XKR6: variants seen among roughly 807,000 people sequenced by gnomAD.
The protein encoded by XKR6 is XK related 6.
A neutral mutation model predicts 56.7 loss-of-function variants in XKR6; 22 were observed. The observed-to-expected ratio is 0.39, with a 90% CI of 0.28 to 0.55. The LOEUF is 0.55. XKR6 is among the 20% of genes least tolerant of loss of function. XKR6 has a pLI of 0.66. For missense variants in XKR6, 852 were observed against 889.0 expected (o/e 0.96, Z 0.53); for synonymous variants, 524 against 387.8 (o/e 1.35, Z -4.13).
intron 1 of XKR6, among the ~76,000 whole-genome samples, chr8:11,181,659 G>A (rs1802988029): frequency 6.6e-6 from 1 of 152,184 alleles, no homozygotes; most frequent in African/African-American, 2.4e-5. Context: ...TGGTGAGGAA[G>A]AACCTCATCA....
chr8:11,199,526 G>A (rs1042724106), intron 1 of XKR6, among the ~76,000 whole-genome samples: 2 of 152,200 alleles, frequency 1.3e-5, no homozygotes, highest in Non-Finnish European at 2.9e-5. Context: ...TTGTCCCTGT[G>A]TAATTTATCT....
At position 10,898,986 on chromosome 8, in the gene XKR6, G is replaced by A. The variant is rs571723684; in HGVS notation, c.962-70C>T. On this transcript the variant is annotated intron_variant, in intron 2 of 2. Coordinates refer to ENST00000416569, the MANE Select transcript of XKR6 (RefSeq NM_173683.4). The surrounding 1 kb of genome is among the most constrained non-coding windows in gnomAD (Gnocchi z 6.6). ...AACCGCAGGGCACAGTGAAGCTGCCGGCTGAGGAGACGCCCACATACACCA... is the reference window on the plus strand; with the variant it reads ...AACCGCAGGGCACAGTGAAGCTGCCAGCTGAGGAGACGCCCACATACACCA... 8.5e-5 allele frequency: 129 copies of A among 1,515,220 alleles called. No individual in the cohort carries two copies. The highest frequency in any genetic ancestry group is 1.1e-4 in the Non-Finnish European group (120 of 1,140,446). 93.9% of individuals were successfully genotyped at this position (1,515,220 alleles called of 1,614,324 possible).
intron 1 of XKR6, among the ~76,000 whole-genome samples, chr8:11,179,049 G>C (rs1368729974): frequency 1.4e-5 from 2 of 142,722 alleles, no homozygotes; most frequent in Non-Finnish European, 3.0e-5. Context: ...TGGAGAGCTA[G>C]GGTCTCCCAT....
chr8:10,917,056 T>C (rs1375356411), intron 2 of XKR6, among the ~76,000 whole-genome samples: 4 of 148,294 alleles, frequency 2.7e-5, no homozygotes, highest in East Asian at 1.9e-4. Flanking sequence ...CCTGCTTCCC[T>C]GTCTTAGCAA....
At position 11,200,473 on chromosome 8, in the gene XKR6, G is replaced by A. The variant is rs898020221; in HGVS notation, c.764+103C>T. On this transcript the variant is annotated intron_variant, in intron 1 of 2. Coordinates refer to ENST00000416569, the MANE Select transcript of XKR6 (RefSeq NM_173683.4). This position sits in a 1 kb window ranked among gnomAD's most constrained non-coding sequence, Gnocchi z 6.4. ...GGCGCGCGGCCGGTCCCTCCTTCGAGCCCCCCGCGCTGGGCCCTTTCGAGG... is the reference window on the plus strand; with the variant it reads ...GGCGCGCGGCCGGTCCCTCCTTCGAACCCCCCGCGCTGGGCCCTTTCGAGG... 6.9e-6 allele frequency: 9 copies of A among 1,303,742 alleles called. No individual in the cohort carries two copies. Among genetic ancestry groups the A allele is most frequent in the Middle Eastern group, 2.8e-4 (1 of 3,586 alleles). The allele number at this position is 1,303,742 out of a possible 1,614,324, so 80.8% of individuals were successfully genotyped here. A position where few individuals can be genotyped will look rare whatever the true frequency, so the allele number is the denominator to read the frequency against.
At chr8:11,177,448 G>C (rs142202331) in intron 1 of XKR6, among the ~76,000 whole-genome samples, 1 of 152,268 alleles carries the variant, frequency 6.6e-6, no homozygotes. Context: ...TGAGTGTTAT[G>C]GGCTCAATTC....
At chr8:11,010,764 GC>G (rs1798481985) in intron 1 of XKR6, among the ~76,000 whole-genome samples, 1 of 150,798 alleles carries the variant, frequency 6.6e-6, no homozygotes, top group African/African-American at 2.4e-5. Flanking sequence ...TAAAACAGTG[GC>G]CCCTCCCCAC....
intron 1 of XKR6, among the ~76,000 whole-genome samples, chr8:11,074,568 G>A (rs557181434): frequency 6.6e-6 from 1 of 152,352 alleles, no homozygotes; most frequent in African/African-American, 2.4e-5. Flanking sequence ...TCAAGCATTT[G>A]TCTAGTAGGG....
intron 1 of XKR6, among the ~76,000 whole-genome samples, chr8:11,093,301 C>T (rs1798144575): frequency 6.6e-6 from 1 of 152,224 alleles, no homozygotes; most frequent in Non-Finnish European, 1.5e-5. Flanking sequence ...GTGATCCGCC[C>T]ACCTCGGCCT....
At chr8:11,008,787 C>T (rs759435841) in intron 1 of XKR6, among the ~76,000 whole-genome samples, 1 of 152,058 alleles carries the variant, frequency 6.6e-6, no homozygotes, top group Non-Finnish European at 1.5e-5. Context: ...CTGATGGAGC[C>T]ACGGTCAAGC....
rs1554461878 is a variant in XKR6 at position 11,114,773 on chromosome 8, G to GTATATA, written c.764+85802_764+85803insTATATA. Among the ~76,000 whole-genome samples, 52 of 146,618 alleles carry GTATATA rather than the reference G, an allele frequency of 3.5e-4. 1 individual carries two copies. The highest frequency in any genetic ancestry group is 6.1e-4 in the Non-Finnish European group (40 of 66,060). On this transcript the variant is annotated intron_variant, in intron 1 of 2. Transcript: ENST00000416569. The stretch of plus-strand genomic sequence containing the variant: ...TGTGTGTGTGTGTGTGTGTGTGTGT[G>GTATATA]TATGTGCCAGGGCAAGAAAGGTCAG...
chr8:11,052,719 AC>A (rs1204309653), intron 1 of XKR6, among the ~76,000 whole-genome samples: 1 of 94,296 alleles, frequency 1.1e-5, no homozygotes, highest in South Asian at 4.5e-4. Context: ...CCCCACCCCG[AC>A]CCCTGTTTCC....
chr8:11,162,075 A>G (rs1020117830), intron 1 of XKR6, among the ~76,000 whole-genome samples: 3 of 152,234 alleles, frequency 2.0e-5, no homozygotes, highest in African/African-American at 7.2e-5. Context: ...AAACTGACCC[A>G]GAGAAATAAA....
Position 11,199,889 on chromosome 8 carries a change from G to C in XKR6, c.764+687C>G, listed in dbSNP as rs769658037. 1.3e-4 allele frequency among the ~76,000 whole-genome samples: 20 copies of C among 151,912 alleles called. 1 individual carries two copies. Among genetic ancestry groups the C allele is most frequent in the South Asian group, 6.2e-4 (3 of 4,820 alleles). Reference sequence around the variant, plus strand: ...TTTAACTGATTTTCTGGAGGTGAGAGTTAACACCAAACGCTCGCGCCCATC... The same window carrying C: ...TTTAACTGATTTTCTGGAGGTGAGACTTAACACCAAACGCTCGCGCCCATC... On this transcript the variant is annotated intron_variant, in intron 1 of 2. Transcript: ENST00000416569.
intron 1 of XKR6, among the ~76,000 whole-genome samples, chr8:11,027,783 C>T (rs557110806): frequency 5.9e-5 from 9 of 152,232 alleles, no homozygotes; most frequent in East Asian, 5.8e-4. Flanking sequence ...CAAGTGAGGA[C>T]GGTCATCATT....
At chr8:11,158,412 T>C (rs1368369523) in intron 1 of XKR6, among the ~76,000 whole-genome samples, 1 of 152,228 alleles carries the variant, frequency 6.6e-6, no homozygotes, top group African/African-American at 2.4e-5. Context: ...TTGTTCAGGA[T>C]GGCTACAGCT....
At chr8:11,037,237 T>A (rs1156284758) in intron 1 of XKR6, among the ~76,000 whole-genome samples, 1 of 152,244 alleles carries the variant, frequency 6.6e-6, no homozygotes, top group Non-Finnish European at 1.5e-5. Context: ...AATACTTTTT[T>A]CTTTTTTTAA....
At chr8:10,940,347 A>G (rs1055106791) in intron 1 of XKR6, among the ~76,000 whole-genome samples, 1 of 152,186 alleles carries the variant, frequency 6.6e-6, no homozygotes, top group Non-Finnish European at 1.5e-5. Flanking sequence ...TCATGCCTTC[A>G]GGGCTCCAGG....
At chr8:11,119,249 T>G (rs941727258) in intron 1 of XKR6, among the ~76,000 whole-genome samples, 4 of 152,222 alleles carry the variant, frequency 2.6e-5, no homozygotes, top group African/African-American at 9.6e-5. Flanking sequence ...AATTTTGGAA[T>G]AGGTGTGGTG....
Sources: gnomAD v4.1 joint callset for allele counts (sites outside exome capture counted in the v4.1 genomes callset) on GRCh38, gnomAD v4.1.1 for gene constraint, Gnocchi (gnomAD v3.1) non-coding constraint, MANE v1.5 for transcripts, NCBI Gene and HGNC (gene_info 2026-07-23, HGNC 2026-07-21) for gene names.